Variants in CUL1 observed in about 807,000 individuals in gnomAD.
CUL1 encodes cullin-1.
In CUL1, 24 loss-of-function variants were observed where a neutral mutation model predicts 118.0. The ratio of observed to expected loss-of-function variants is 0.20; its 90% CI spans 0.15 to 0.29. CUL1 has a LOEUF of 0.29. Among genes scored for constraint, CUL1 ranks in the 10% least tolerant of loss-of-function variants. The probability of loss-of-function intolerance (pLI) is 1.00; values close to 1 mark genes in which losing one functional copy is unlikely to be tolerated. For missense variants in CUL1, 361 were observed against 933.8 expected, an observed-to-expected ratio of 0.39 and a Z score of 7.99; for synonymous variants, 332 against 340.4, an observed-to-expected ratio of 0.98 and a Z score of 0.27.
chr7:148,736,919 A>G (rs1472401978), intron 2 of CUL1, among the ~76,000 whole-genome samples: 1 of 152,238 alleles, frequency 6.6e-6, no homozygotes, highest in Non-Finnish European at 1.5e-5. Flanking sequence ...ACCATATGGA[A>G]AGGAACTGTC....
intron 3 of CUL1, among the ~76,000 whole-genome samples, chr7:148,755,999 A>G (rs1799643362): frequency 6.6e-6 from 1 of 152,192 alleles, no homozygotes; most frequent in Non-Finnish European, 1.5e-5. Flanking sequence ...GCACACACCT[A>G]AATGGCAGTG....
At chr7:148,764,514 C>T (rs950478020) in intron 7 of CUL1, among the ~76,000 whole-genome samples, 4 of 152,292 alleles carry the variant, frequency 2.6e-5, no homozygotes, top group Admixed American at 6.5e-5. Context: ...GGTGGAGAGC[C>T]GTGCCTCTCA....
At chr7:148,767,328 A>ATT (rs199922647) in intron 8 of CUL1, among the ~76,000 whole-genome samples, 15 of 146,844 alleles carry the variant, frequency 1.0e-4, no homozygotes, top group East Asian at 3.9e-4. Flanking sequence ...GTTTCTGATA[A>ATT]TTTTTTTTTT....
rs780476210 is a variant in CUL1, at chr7:148,798,619, A to G, written c.2078A>G (p.Lys693Arg). Residue 693 changes from lysine (K) to arginine (R), a missense_variant, in exon 20 of 22, where the codon AAG (lysine) becomes AGG (arginine). Lys to Arg is a conservative substitution (Grantham distance 26, BLOSUM62 2). This residue lies in a region of CUL1 where 24 missense variants were observed against 126.7 expected (regional missense o/e 0.19). Transcript: ENST00000325222. Reference protein sequence around the residue: ...NINVPMKTEQKQEQETTHKNI... With the variant: ...NINVPMKTEQRQEQETTHKNI... Reference sequence around the variant, plus strand: ...AATGTGCCAATGAAAACCGAACAGAAGCAGGAACAAGAAACCACACACAAA... The same window carrying G: ...AATGTGCCAATGAAAACCGAACAGAGGCAGGAACAAGAAACCACACACAAA... 1.2e-6 allele frequency: 2 copies of G among 1,614,224 alleles called. No individual in the cohort carries two copies. The highest frequency in any genetic ancestry group is 1.1e-5 in the South Asian group (1 of 91,086).
chr7:148,791,378 A>G (rs1801003746), intron 16 of CUL1, among the ~76,000 whole-genome samples: 1 of 152,230 alleles, frequency 6.6e-6, no homozygotes, highest in African/African-American at 2.4e-5. Flanking sequence ...TCGTAAATCT[A>G]CTGTGACTTA....
intron 2 of CUL1, among the ~76,000 whole-genome samples, chr7:148,737,268 G>A (rs1798978182): frequency 6.6e-6 from 1 of 151,064 alleles, no homozygotes; most frequent in South Asian, 2.1e-4. Flanking sequence ...TTTGATTCAC[G>A]GTAATTATAC....
intron 9 of CUL1, among the ~76,000 whole-genome samples, chr7:148,777,915 T>C (rs1208357036): frequency 6.7e-6 from 1 of 150,232 alleles, no homozygotes; most frequent in Non-Finnish European, 1.5e-5. Flanking sequence ...AAGATAAAAT[T>C]AGCTGGGTGT....
Position 148,800,606 on chromosome 7 carries a change from G to A in CUL1, c.*24G>A. 1.3e-6 allele frequency: 2 copies of A among 1,541,886 alleles called. No individual in the cohort carries two copies. Among genetic ancestry groups the A allele is most frequent in the Non-Finnish European group, 1.8e-6 (2 of 1,116,750 alleles). On this transcript the variant is annotated 3_prime_UTR_variant, in exon 22 of 22. Transcript: ENST00000325222. This position sits in a 1 kb window ranked among gnomAD's most constrained non-coding sequence, Gnocchi z 4.6. Reference sequence around the variant, plus strand: ...AACCCTTCTGGAAGGGTCTGACTGTGTGACCCGCAGCAAATAGTTCATGTT... The same window carrying A: ...AACCCTTCTGGAAGGGTCTGACTGTATGACCCGCAGCAAATAGTTCATGTT...
rs1171155062 is a variant in CUL1, at chr7:148,778,090, AAAAAAAAG to A, written c.1084-5690_1084-5683del. Among the ~76,000 whole-genome samples, 535 of 128,514 alleles carry A rather than the reference AAAAAAAAG, an allele frequency of 4.2e-3. 7 individuals carry two copies. The highest frequency in any genetic ancestry group is 6.0e-3 in the Non-Finnish European group (374 of 62,668). The allele number at this position is 128,514 out of a possible 152,430, so 84.3% of individuals were successfully genotyped here. A position where few individuals can be genotyped will look rare whatever the true frequency, so the allele number is the denominator to read the frequency against. On this transcript the variant is annotated intron_variant, in intron 9 of 21. Coordinates refer to ENST00000325222, the MANE Select transcript of CUL1 (RefSeq NM_003592.3). ...TGTCTCAAAAAAAAAAAAAAAAAAAAAAAAAAAGAAGAAGAAGAAGAATGAGGAAAGAG... is the reference window on the plus strand; with the variant it reads ...TGTCTCAAAAAAAAAAAAAAAAAAAAAAGAAGAAGAAGAATGAGGAAAGAG...
At chr7:148,791,293 A>C (rs1800999783) in intron 16 of CUL1, among the ~76,000 whole-genome samples, 4 of 152,234 alleles carry the variant, frequency 2.6e-5, no homozygotes, top group Admixed American at 2.6e-4. Context: ...AAGAATTGCA[A>C]ATCTGTGTTT....
intron 2 of CUL1, among the ~76,000 whole-genome samples, chr7:148,750,642 A>G (rs943448216): frequency 1.3e-5 from 2 of 152,026 alleles, no homozygotes; most frequent in Non-Finnish European, 2.9e-5. Flanking sequence ...ATCCTTTTTT[A>G]TGGCTGCATA....
At chr7:148,771,541 G>T (rs1247653306) in intron 9 of CUL1, among the ~76,000 whole-genome samples, 3 of 152,170 alleles carry the variant, frequency 2.0e-5, no homozygotes, top group Non-Finnish European at 4.4e-5. Flanking sequence ...GTGGGGAGGG[G>T]ACTGTCCGTC....
At chr7:148,732,844 G>GT (rs1235695728) in intron 2 of CUL1, among the ~76,000 whole-genome samples, 9 of 151,966 alleles carry the variant, frequency 5.9e-5, no homozygotes, top group Admixed American at 3.3e-4. Context: ...AAATTGGGTA[G>GT]TTTTTTTTCC....
intron 1 of CUL1, among the ~76,000 whole-genome samples, chr7:148,711,379 C>CA (rs1798044590): frequency 6.6e-6 from 1 of 152,172 alleles, no homozygotes; most frequent in Non-Finnish European, 1.5e-5. Flanking sequence ...CGGTGGGTGA[C>CA]ATCACTCACT....
intron 1 of CUL1, among the ~76,000 whole-genome samples, chr7:148,703,807 A>C (rs2129458796): frequency 6.6e-6 from 1 of 152,306 alleles, no homozygotes; most frequent in South Asian, 2.1e-4. Context: ...CTGGGATTAC[A>C]GGCGTGAGCC....
chr7:148,771,312 T>C lies in CUL1; in HGVS notation c.1083+3563T>C, dbSNP rs542106731. On this transcript the variant is annotated intron_variant, in intron 9 of 21. Transcript: ENST00000325222. ...ATTCGTAGAGGTTTCCAGTTTATCATGTAAGTCAAATATTTTTTGTGTTCG... is the reference window on the plus strand; with the variant it reads ...ATTCGTAGAGGTTTCCAGTTTATCACGTAAGTCAAATATTTTTTGTGTTCG... 6.6e-5 allele frequency among the ~76,000 whole-genome samples: 10 copies of C among 152,364 alleles called. No homozygotes were observed. The South Asian group carries it at 1.5e-3, about 22-fold the overall frequency.
rs576609147 is a variant in CUL1, at chr7:148,790,181, G to A, written c.1675-129G>A. The A allele has an allele frequency of 9.9e-5, 98 of 991,844 alleles. No individual in the cohort carries two copies. In the East Asian group the frequency reaches 1.9e-3, roughly 20 times the overall value. 61.4% of individuals were successfully genotyped at this position (991,844 alleles called of 1,614,324 possible). On this transcript the variant is annotated intron_variant, in intron 15 of 21. Transcript: ENST00000325222. ...TTTACAAGAGAGGCAGACACCTGGCGTTTGTATTTTACTTTTATGTAAGCA... is the reference window on the plus strand; with the variant it reads ...TTTACAAGAGAGGCAGACACCTGGCATTTGTATTTTACTTTTATGTAAGCA...
At chr7:148,780,259 G>A (rs1021647957) in intron 9 of CUL1, among the ~76,000 whole-genome samples, 1 of 152,216 alleles carries the variant, frequency 6.6e-6, no homozygotes, top group Non-Finnish European at 1.5e-5. Flanking sequence ...TGCGGGGAAT[G>A]GAGAGAAGAA....
At chr7:148,748,386 A>G (rs1799369968) in intron 2 of CUL1, among the ~76,000 whole-genome samples, 1 of 152,248 alleles carries the variant, frequency 6.6e-6, no homozygotes, top group Non-Finnish European at 1.5e-5. Flanking sequence ...CGAAAGGTAT[A>G]ATAATGTCAG....
Sources: gnomAD v4.1 joint callset for allele counts (sites outside exome capture counted in the v4.1 genomes callset) on GRCh38, gnomAD v4.1.1 for gene constraint, gnomAD v4.1.1 regional missense constraint, Gnocchi (gnomAD v3.1) non-coding constraint, MANE v1.5 for transcripts, NCBI Gene and HGNC (gene_info 2026-07-23, HGNC 2026-07-21) for gene names.